SLC25A21: variants seen among roughly 807,000 people sequenced by gnomAD.
The protein encoded by SLC25A21 is mitochondrial 2-oxodicarboxylate carrier.
Under a neutral mutation model 43.8 loss-of-function variants are expected in SLC25A21, and 47 were observed. That is an observed-to-expected ratio of 1.07 (90% confidence interval 0.85 to 1.37). The LOEUF is 1.37. Among genes scored for constraint, SLC25A21 ranks in the 40% most tolerant of loss-of-function variants. SLC25A21 has a pLI of 0.00. For missense variants in SLC25A21, 352 were observed against 350.2 expected (o/e 1.00, Z -0.04); for synonymous variants, 131 against 121.3 (o/e 1.08, Z -0.52).
chr14:37,124,775 G>C (rs527822389), intron 1 of SLC25A21, among the ~76,000 whole-genome samples: 8 of 152,120 alleles, frequency 5.3e-5, no homozygotes, highest in Admixed American at 5.2e-4. Context: ...TTTCCCACTT[G>C]GTGCTGTTCT....
At chr14:36,868,165 C>A (rs1250412664) in intron 2 of SLC25A21, among the ~76,000 whole-genome samples, 1 of 152,048 alleles carries the variant, frequency 6.6e-6, no homozygotes, top group Non-Finnish European at 1.5e-5. Context: ...TTTATTTGAA[C>A]CGCTGGAGAG....
At chr14:36,993,475 A>G (rs1162038914) in intron 1 of SLC25A21, among the ~76,000 whole-genome samples, 8 of 152,192 alleles carry the variant, frequency 5.3e-5, no homozygotes, top group Non-Finnish European at 1.0e-4. Context: ...CTCAGGTCTC[A>G]AGATGATCAC....
In SLC25A21 at chr14:37,040,332, G is replaced by GGAAAA. The variant is rs1432086754; in HGVS notation, c.70+131948_70+131949insTTTTC. On this transcript the variant is annotated intron_variant, in intron 1 of 9. Coordinates refer to ENST00000331299, the MANE Select transcript of SLC25A21 (RefSeq NM_030631.4). ...GGAAAGGAAGAAAGGAAGAGGGGAA[G>GGAAAA]GAAGGAAGGAAGGAAGGAAGGAAAG... Among the ~76,000 whole-genome samples, 7 of 51,742 alleles carry GGAAAA rather than the reference G, an allele frequency of 1.4e-4. 1 individual carries two copies. In the East Asian group the frequency reaches 1.7e-3, roughly 13 times the overall value. The allele number at this position is 51,742 out of a possible 152,430, so 33.9% of individuals were successfully genotyped here.
intron 3 of SLC25A21, among the ~76,000 whole-genome samples, chr14:36,760,491 G>T (rs1034435794): frequency 9.2e-5 from 14 of 152,092 alleles, no homozygotes; most frequent in Non-Finnish European, 1.6e-4. Flanking sequence ...ACTGACCAAG[G>T]CCTCTCAAAT....
chr14:37,088,080 C>T (rs746894241), intron 1 of SLC25A21, among the ~76,000 whole-genome samples: 1 of 152,032 alleles, frequency 6.6e-6, no homozygotes, highest in Non-Finnish European at 1.5e-5. Flanking sequence ...ATTTTTATAT[C>T]ATAAAATTAA....
At chr14:37,043,585 C>A (rs1210378203) in intron 1 of SLC25A21, among the ~76,000 whole-genome samples, 1 of 152,130 alleles carries the variant, frequency 6.6e-6, no homozygotes. Flanking sequence ...TTTTGGGCTA[C>A]CATCTTGCAG....
At chr14:36,979,342 T>TTTTTTTTTTTC (rs1959963327) in intron 1 of SLC25A21, among the ~76,000 whole-genome samples, 1 of 151,582 alleles carries the variant, frequency 6.6e-6, no homozygotes, top group African/African-American at 2.4e-5. Context: ...GTTTTTTTTT[T>TTTTTTTTTTTC]TACTGTTTTT....
rs376283115 is a variant in SLC25A21 at position 36,865,013 on chromosome 14, CCTTTCTTTTCTTT to C, written c.119+9930_119+9942del. 2.6e-5 allele frequency among the ~76,000 whole-genome samples: 4 copies of C among 151,888 alleles called. No homozygotes were observed. In the East Asian group the frequency reaches 7.7e-4, roughly 29 times the overall value. ...ATTCTCTCCCCATTTTAAAAAGATT[CCTTTCTTTTCTTT>C]CTTTCTTTTTTTTTTTTAAAAGATC... On this transcript the variant is annotated intron_variant, in intron 2 of 9. Transcript: ENST00000331299.
At chr14:37,106,929 C>T (rs370325234) in intron 1 of SLC25A21, among the ~76,000 whole-genome samples, 297 of 152,260 alleles carry the variant, frequency 2.0e-3, no homozygotes, top group African/African-American at 6.4e-3. Flanking sequence ...ATATTGGGGG[C>T]GGGTTCCCCC....
At chr14:36,826,598 C>T (rs1431278411) in intron 2 of SLC25A21, among the ~76,000 whole-genome samples, 1 of 152,180 alleles carries the variant, frequency 6.6e-6, no homozygotes, top group Non-Finnish European at 1.5e-5. Context: ...TCGTGAGGGC[C>T]TGAGGGGCCA....
At chr14:37,102,900 G>T (rs779219275) in intron 1 of SLC25A21, among the ~76,000 whole-genome samples, 2 of 151,628 alleles carry the variant, frequency 1.3e-5, no homozygotes, top group Non-Finnish European at 2.9e-5. Flanking sequence ...CAGGAGAATC[G>T]CTTGAACCCA....
chr14:36,897,552 C>G (rs551539089), intron 1 of SLC25A21, among the ~76,000 whole-genome samples: 13 of 152,214 alleles, frequency 8.5e-5, no homozygotes, highest in Non-Finnish European at 1.8e-4. Flanking sequence ...AGTCATTCTA[C>G]GTCCAGCTTT....
At chr14:37,170,182 G>A (rs1459437765) in intron 1 of SLC25A21, among the ~76,000 whole-genome samples, 2 of 151,386 alleles carry the variant, frequency 1.3e-5, no homozygotes, top group African/African-American at 2.4e-5. Context: ...ACTGTAGCCG[G>A]ACACCACCAA....
At chr14:37,103,164 G>C (rs1157845755) in intron 1 of SLC25A21, among the ~76,000 whole-genome samples, 1 of 152,136 alleles carries the variant, frequency 6.6e-6, no homozygotes, top group Non-Finnish European at 1.5e-5. Context: ...ATATTATACT[G>C]CAAGTAATAA....
chr14:37,164,310 C>T (rs1296987858), intron 1 of SLC25A21, among the ~76,000 whole-genome samples: 4 of 152,034 alleles, frequency 2.6e-5, no homozygotes, highest in Non-Finnish European at 5.9e-5. Flanking sequence ...ATAATTAATT[C>T]GAGCAATAGG....
chr14:36,857,541 T>C (rs1361860924), intron 2 of SLC25A21, among the ~76,000 whole-genome samples: 2 of 152,252 alleles, frequency 1.3e-5, no homozygotes, highest in African/African-American at 4.8e-5. Flanking sequence ...TTGAGAATCA[T>C]GACTTATCAC....
intron 3 of SLC25A21, among the ~76,000 whole-genome samples, chr14:36,794,975 C>T (rs1887626397): frequency 6.6e-6 from 1 of 152,014 alleles, no homozygotes; most frequent in South Asian, 2.1e-4. Flanking sequence ...ATTTGCTATG[C>T]TTTTACGACT....
intron 1 of SLC25A21, among the ~76,000 whole-genome samples, chr14:37,043,631 A>C (rs1336673561): frequency 6.6e-6 from 1 of 152,182 alleles, no homozygotes; most frequent in Non-Finnish European, 1.5e-5. Flanking sequence ...TACAGATAGA[A>C]GACAGTGCCC....
At chr14:37,162,984 C>T (rs1239691671) in intron 1 of SLC25A21, among the ~76,000 whole-genome samples, 1 of 152,176 alleles carries the variant, frequency 6.6e-6, no homozygotes, top group African/African-American at 2.4e-5. Context: ...AGTTCATGTC[C>T]TTTGTAGGGA....
Sources: gnomAD v4.1 joint callset for allele counts (sites outside exome capture counted in the v4.1 genomes callset) on GRCh38, gnomAD v4.1.1 for gene constraint, MANE v1.5 for transcripts, NCBI Gene and HGNC (gene_info 2026-07-23, HGNC 2026-07-21) for gene names.